TLK2: variants seen among roughly 807,000 people sequenced by gnomAD.
TLK2 encodes the protein serine/threonine-protein kinase tousled-like 2.
In TLK2, 6 loss-of-function variants were observed where a neutral mutation model predicts 117.3. That is an observed-to-expected ratio of 0.05 (90% CI 0.03 to 0.10). TLK2 has a LOEUF of 0.10. Ranked by LOEUF, TLK2 falls within the 10% of genes least tolerant of loss-of-function variation. The pLI, the probability that TLK2 is intolerant of heterozygous loss-of-function variation, is 1.00. For missense variants in TLK2, 299 were observed against 901.2 expected (o/e 0.33, Z 8.56); for synonymous variants, 257 against 316.7 (o/e 0.81, Z 2.00).
chr17:62,495,735 T>C (rs1484692787), intron 2 of TLK2, among the ~76,000 whole-genome samples: 4 of 151,214 alleles, frequency 2.6e-5, no homozygotes, highest in East Asian at 1.9e-4. Context: ...CTCGGCTCAC[T>C]GCAACCTCTG....
At chr17:62,592,774 A>G (rs924508671) in intron 16 of TLK2, among the ~76,000 whole-genome samples, 2 of 152,190 alleles carry the variant, frequency 1.3e-5, no homozygotes, top group African/African-American at 4.8e-5. Context: ...TATATACTGA[A>G]TTAATTACAC....
At chr17:62,506,612 A>T (rs1209454083) in intron 2 of TLK2, among the ~76,000 whole-genome samples, 1 of 152,216 alleles carries the variant, frequency 6.6e-6, no homozygotes, top group African/African-American at 2.4e-5. Flanking sequence ...TCAAGGTTAC[A>T]TACCTCTTGG....
intron 2 of TLK2, among the ~76,000 whole-genome samples, chr17:62,483,897 C>T (rs140580764): frequency 4.2e-4 from 64 of 152,132 alleles, no homozygotes; most frequent in African/African-American, 1.3e-3. Flanking sequence ...ACAATCTCGG[C>T]GCACTGCAAT....
chr17:62,506,765 C>T (rs1030431470), intron 2 of TLK2, among the ~76,000 whole-genome samples: 9 of 152,006 alleles, frequency 5.9e-5, no homozygotes, highest in South Asian at 2.1e-4. Flanking sequence ...AATTTGTTCT[C>T]GATAAAAGAG....
chr17:62,482,067 G>C (rs1203944372), intron 2 of TLK2, among the ~76,000 whole-genome samples: 1 of 151,846 alleles, frequency 6.6e-6, no homozygotes, highest in Non-Finnish European at 1.5e-5. Context: ...TCCTGCCTCA[G>C]CCTCCTGAGT....
At chr17:62,605,531 C>A (rs114080698) in intron 19 of TLK2, among the ~76,000 whole-genome samples, 1 of 151,856 alleles carries the variant, frequency 6.6e-6, no homozygotes, top group Admixed American at 6.6e-5. Context: ...TGCTACCAGG[C>A]GCAGCTAATT....
chr17:62,566,741 TG>T (rs1464458635), intron 11 of TLK2, among the ~76,000 whole-genome samples: 3 of 152,148 alleles, frequency 2.0e-5, no homozygotes, highest in African/African-American at 7.2e-5. Flanking sequence ...TTTCCAGATT[TG>T]TTAAAATGGA....
At chr17:62,553,616 A>T in intron 8 of TLK2, 47 bp from the exon 9 acceptor site, 1 of 1,306,268 alleles carries the variant, frequency 7.7e-7, no homozygotes, top group South Asian at 1.2e-5. Flanking sequence ...GATGACATAT[A>T]ACATGTTGAG....
intron 2 of TLK2, among the ~76,000 whole-genome samples, chr17:62,482,886 A>G (rs1471267474): frequency 6.6e-6 from 1 of 152,214 alleles, no homozygotes; most frequent in Non-Finnish European, 1.5e-5. Context: ...TGATACCGTG[A>G]TGAGATCTGT....
chr17:62,595,086 TGAG>T (rs1431037436), intron 16 of TLK2, among the ~76,000 whole-genome samples: 1 of 152,004 alleles, frequency 6.6e-6, no homozygotes, highest in Non-Finnish European at 1.5e-5. Context: ...TTCAGCCTCT[TGAG>T]TAGTGGGGAT....
chr17:62,478,318 G>A (rs1424435154), upstream of TLK2, among the ~76,000 whole-genome samples: 1 of 151,520 alleles, frequency 6.6e-6, no homozygotes, highest in Non-Finnish European at 1.5e-5. Flanking sequence ...GCGGAGCCGA[G>A]GGGCTGGGCA....
chr17:62,493,651 A>T (rs1022785239), intron 2 of TLK2, among the ~76,000 whole-genome samples: 1 of 152,262 alleles, frequency 6.6e-6, no homozygotes, highest in African/African-American at 2.4e-5. Context: ...TCCTGTTAAC[A>T]TATGCAGATG....
chr17:62,529,728 C>A (rs1204639399), intron 6 of TLK2, among the ~76,000 whole-genome samples: 1 of 152,114 alleles, frequency 6.6e-6, no homozygotes, highest in African/African-American at 2.4e-5. Context: ...ATAATTACCA[C>A]CACATTCAGT....
At chr17:62,533,374 GTGTGTGTGTGTGTGTGTC>G (rs1598417838) in intron 6 of TLK2, among the ~76,000 whole-genome samples, 1 of 145,100 alleles carries the variant, frequency 6.9e-6, no homozygotes, top group Non-Finnish European at 1.5e-5. Flanking sequence ...CGGGGTGTGT[GTGTGTGTGTGTGTGTGTC>G]TGTGTGTGTG....
At chr17:62,565,179 G>A (rs760897053) in intron 11 of TLK2, 42 bp downstream of exon 11, 23 of 1,574,290 alleles carry the variant, frequency 1.5e-5, no homozygotes, top group African/African-American at 1.2e-4. Context: ...TGAAAAGTTC[G>A]TTTGCATTTT....
upstream of TLK2, chr17:62,477,804 A>C (rs2071110889): frequency 6.6e-6 from 1 of 152,242 alleles, no homozygotes; most frequent in African/African-American, 2.4e-5. Context: ...CTATGCAGGA[A>C]GCCCTCCTTG....
intron 15 of TLK2, among the ~76,000 whole-genome samples, chr17:62,581,958 C>A (rs370248001): frequency 2.6e-5 from 4 of 152,118 alleles, no homozygotes; most frequent in East Asian, 1.9e-4. Context: ...CATAAAAATT[C>A]TTGGGCAGGA....
intron 16 of TLK2, among the ~76,000 whole-genome samples, chr17:62,595,440 T>C (rs1168631784): frequency 6.6e-6 from 1 of 152,154 alleles, no homozygotes; most frequent in Non-Finnish European, 1.5e-5. Context: ...GACTTTAATA[T>C]GGCTGGCAGC....
At chr17:62,515,182 A>T (rs552986660) in intron 2 of TLK2, among the ~76,000 whole-genome samples, 5 of 152,246 alleles carry the variant, frequency 3.3e-5, no homozygotes, top group Non-Finnish European at 5.9e-5. Context: ...CATGTTGTAG[A>T]ATGTAGAATT....
Sources: allele counts gnomAD v4.1 joint callset (sites outside exome capture counted in the v4.1 genomes callset), GRCh38; gene constraint gnomAD v4.1.1; transcripts MANE v1.5; gene names NCBI Gene and HGNC (gene_info 2026-07-23, HGNC 2026-07-21).